Variants in RIMS2 observed in about 807,000 individuals in gnomAD.
RIMS2 encodes regulating synaptic membrane exocytosis protein 2.
In RIMS2, 59 loss-of-function variants were observed where a neutral mutation model predicts 174.4. The observed-to-expected ratio is 0.34, with a 90% CI of 0.27 to 0.42. The LOEUF is 0.42. Among genes scored for constraint, RIMS2 ranks in the 10% least tolerant of loss-of-function variants. RIMS2 has a pLI of 1.00. For missense variants in RIMS2, 1,620 were observed against 1,666.3 expected (o/e 0.97, Z 0.48); for synonymous variants, 606 against 572.5 (o/e 1.06, Z -0.84).
At chr8:104,068,903 A>T (rs1467431416) in intron 19 of RIMS2, among the ~76,000 whole-genome samples, 2 of 152,212 alleles carry the variant, frequency 1.3e-5, no homozygotes, top group Non-Finnish European at 2.9e-5. Flanking sequence ...AAGAACTTAA[A>T]TGATCTTATG....
chr8:104,058,657 G>A (rs1461078490), intron 19 of RIMS2, among the ~76,000 whole-genome samples: 2 of 151,828 alleles, frequency 1.3e-5, no homozygotes, highest in African/African-American at 4.8e-5. Flanking sequence ...CCTGTGTCCT[G>A]AATGGTAATG....
At chr8:103,596,623 C>T (rs1719000009) in intron 1 of RIMS2, among the ~76,000 whole-genome samples, 1 of 152,072 alleles carries the variant, frequency 6.6e-6, no homozygotes, top group Admixed American at 6.6e-5. Flanking sequence ...GATCGTCATA[C>T]ATTATATGTA....
chr8:104,009,319 G>C (rs2095684507), intron 17 of RIMS2, among the ~76,000 whole-genome samples: 1 of 150,436 alleles, frequency 6.6e-6, no homozygotes. Flanking sequence ...TTTGAGACAG[G>C]GTCTCACTCT....
intron 1 of RIMS2, among the ~76,000 whole-genome samples, chr8:103,681,468 C>T (rs538664175): frequency 1.3e-5 from 2 of 151,908 alleles, no homozygotes; most frequent in South Asian, 2.1e-4. Flanking sequence ...AAGAACCAAG[C>T]GTGGACCAGT....
chr8:104,239,334 C>T (rs1379810865), intron 19 of RIMS2, among the ~76,000 whole-genome samples: 4 of 152,142 alleles, frequency 2.6e-5, no homozygotes, highest in Non-Finnish European at 5.9e-5. Flanking sequence ...ATAACGAGGA[C>T]ACCTGTGTTC....
intron 19 of RIMS2, among the ~76,000 whole-genome samples, chr8:104,219,891 T>C (rs1195106034): frequency 6.6e-6 from 1 of 152,176 alleles, no homozygotes; most frequent in African/African-American, 2.4e-5. Context: ...TTATCAGTAG[T>C]TTATTTTTAT....
chr8:103,899,886 T>A (rs1338697161), intron 4 of RIMS2, among the ~76,000 whole-genome samples: 1 of 151,808 alleles, frequency 6.6e-6, no homozygotes, highest in African/African-American at 2.4e-5. Context: ...CATCTTGAAT[T>A]AATTTTTGTA....
At chr8:104,111,841 G>A (rs2098189984) in intron 19 of RIMS2, among the ~76,000 whole-genome samples, 1 of 152,024 alleles carries the variant, frequency 6.6e-6, no homozygotes, top group African/African-American at 2.4e-5. Context: ...GCATGCATAT[G>A]TGTGTCTATG....
At chr8:104,047,655 T>G (rs1470003791) in intron 19 of RIMS2, among the ~76,000 whole-genome samples, 1 of 152,180 alleles carries the variant, frequency 6.6e-6, no homozygotes, top group Non-Finnish European at 1.5e-5. Context: ...TAAAAATACA[T>G]GAAAACTGAA....
At chr8:103,772,920 C>CT (rs746422470) in intron 3 of RIMS2, among the ~76,000 whole-genome samples, 19 of 149,876 alleles carry the variant, frequency 1.3e-4, no homozygotes, top group Non-Finnish European at 2.4e-4. Context: ...TTGAAGCATA[C>CT]TTTTTTTACT....
At chr8:103,884,640 T>C (rs865914123) in intron 3 of RIMS2, among the ~76,000 whole-genome samples, 6 of 151,886 alleles carry the variant, frequency 4.0e-5, no homozygotes, top group Admixed American at 2.0e-4. Context: ...GGAATAAAAA[T>C]AGCAGTTTTT....
chr8:104,023,209 T>A (rs1391754570), intron 19 of RIMS2, among the ~76,000 whole-genome samples: 1 of 152,176 alleles, frequency 6.6e-6, no homozygotes, highest in Non-Finnish European at 1.5e-5. Context: ...GACTCATATA[T>A]GAACTTACAG....
At chr8:103,902,310 C>T (rs2073316748) in intron 4 of RIMS2, among the ~76,000 whole-genome samples, 1 of 152,124 alleles carries the variant, frequency 6.6e-6, no homozygotes, top group South Asian at 2.1e-4. Context: ...AGCTGACTAG[C>T]AAGGCAAAGT....
At chr8:104,220,264 C>T (rs865972954) in intron 19 of RIMS2, among the ~76,000 whole-genome samples, 1 of 145,500 alleles carries the variant, frequency 6.9e-6, no homozygotes, top group Admixed American at 6.9e-5. Context: ...TCATCTATAT[C>T]TGTAAGATCC....
Position 104,006,624 on chromosome 8 carries a change from A to G in RIMS2, c.3045-6818A>G, listed in dbSNP as rs543905858. The stretch of plus-strand genomic sequence containing the variant: ...CTTCAAGCTAACTTGAGAGTGATCT[A>G]TTTCTCTCTCTCTCTCTCTCTCTCT... On this transcript the variant is annotated intron_variant, in intron 17 of 23. Coordinates refer to ENST00000504942, the Ensembl canonical transcript of RIMS2. Among the ~76,000 whole-genome samples, 6 of 102,376 alleles carry G rather than the reference A, an allele frequency of 5.9e-5. No individual in the cohort carries two copies. In the East Asian group the frequency reaches 1.7e-3, roughly 29 times the overall value. The allele number at this position is 102,376 out of a possible 152,430, so 67.2% of individuals were successfully genotyped here. A position where few individuals can be genotyped will look rare whatever the true frequency, so the allele number is the denominator to read the frequency against.
chr8:104,177,319 A>C (rs1408427664), intron 19 of RIMS2, among the ~76,000 whole-genome samples: 1 of 152,128 alleles, frequency 6.6e-6, no homozygotes, highest in Admixed American at 6.6e-5. Flanking sequence ...TAGTAGGAAA[A>C]TTTCTTTTTA....
intron 8 of RIMS2, among the ~76,000 whole-genome samples, 183 bp downstream of exon 11, chr8:103,916,720 T>TA (rs2076690247): frequency 1.3e-5 from 2 of 152,128 alleles, no homozygotes; most frequent in African/African-American, 4.8e-5. Flanking sequence ...TCTGATCATA[T>TA]AGATGGTAGA....
In RIMS2 at chr8:104,062,760, T is replaced by A. The variant is rs2097025758; in HGVS notation, c.3334+48145T>A. Among the ~76,000 whole-genome samples, 3 of 152,272 alleles carry A rather than the reference T, an allele frequency of 2.0e-5. No homozygotes were observed. In the South Asian group the frequency reaches 6.2e-4, roughly 32 times the overall value. On this transcript the variant is annotated intron_variant, in intron 19 of 23. Coordinates refer to ENST00000504942, the Ensembl canonical transcript of RIMS2. ...CCACAATTTGGCTTTTTTAGTTTTGTTCATTTTAAATATGTTATTTCTGTC... is the reference window on the plus strand; with the variant it reads ...CCACAATTTGGCTTTTTTAGTTTTGATCATTTTAAATATGTTATTTCTGTC...
chr8:103,543,686 AATTCAGGC>A (rs1172401463), intron 1 of RIMS2, among the ~76,000 whole-genome samples: 14 of 152,210 alleles, frequency 9.2e-5, no homozygotes, highest in Admixed American at 4.6e-4. Flanking sequence ...TCCAGAAATA[AATTCAGGC>A]ATTTCTAGTC....
Sources: gnomAD v4.1 joint callset for allele counts (sites outside exome capture counted in the v4.1 genomes callset) on GRCh38, gnomAD v4.1.1 for gene constraint, MANE v1.5 for transcripts, NCBI Gene and HGNC (gene_info 2026-07-23, HGNC 2026-07-21) for gene names.